The following PCP4 variants were observed in gnomAD, a reference collection of about 807,000 sequenced individuals.
PCP4 encodes the protein calmodulin regulator protein PCP4.
A neutral mutation model predicts 10.0 loss-of-function variants in PCP4; 8 were observed. That is an observed-to-expected ratio of 0.80 (90% CI 0.47 to 1.45). The LOEUF (loss-of-function observed/expected upper bound fraction) is 1.45, where lower values mean the gene tolerates loss of function less well. Among genes scored for constraint, PCP4 ranks in the 40% most tolerant of loss-of-function variants. The pLI is 0.00. For synonymous variants in PCP4, 21 were observed against 23.0 expected, an observed-to-expected ratio of 0.91 and a Z score of 0.24; for missense variants, 54 against 74.4, an observed-to-expected ratio of 0.73 and a Z score of 1.01.
chr21:39,904,932 G>A (rs990086864), intron 2 of PCP4, among the ~76,000 whole-genome samples: 4 of 152,138 alleles, frequency 2.6e-5, no homozygotes, highest in East Asian at 1.9e-4. Context: ...CAGCTGCAAC[G>A]TGTGTCAGAA....
At chr21:39,868,098 A>G (rs2299742) in intron 1 of PCP4, among the ~76,000 whole-genome samples, 10,463 of 152,284 alleles carry the variant, frequency 0.069, 463 homozygotes, top group East Asian at 0.11. Flanking sequence ...GAAGAGCTAC[A>G]ATTTTGCAAA....
chr21:39,912,559 C>A (rs2087545465), intron 2 of PCP4, among the ~76,000 whole-genome samples: 1 of 151,916 alleles, frequency 6.6e-6, no homozygotes, highest in African/African-American at 2.4e-5. Context: ...TTAACCAGGC[C>A]CCATCTGAAT....
intron 2 of PCP4, among the ~76,000 whole-genome samples, chr21:39,927,096 C>T (rs1399488285): frequency 6.6e-6 from 1 of 152,040 alleles, no homozygotes; most frequent in Non-Finnish European, 1.5e-5. Context: ...GACATTCCCT[C>T]CTCCTAGGTG....
chr21:39,911,164 G>A (rs2087538394), intron 2 of PCP4, among the ~76,000 whole-genome samples: 1 of 152,030 alleles, frequency 6.6e-6, no homozygotes. Flanking sequence ...GCAGTGGAGG[G>A]GAAAGTAAGG....
intron 1 of PCP4, among the ~76,000 whole-genome samples, chr21:39,895,843 C>A (rs1206504559): frequency 2.0e-5 from 3 of 152,206 alleles, no homozygotes; most frequent in African/African-American, 7.2e-5. Flanking sequence ...AGACCAGACC[C>A]TGGGAATGGG....
chr21:39,928,168 C>A (rs73904628), intron 2 of PCP4, among the ~76,000 whole-genome samples: 2 of 152,152 alleles, frequency 1.3e-5, no homozygotes, highest in African/African-American at 4.8e-5. Flanking sequence ...ATACACTCTA[C>A]GGCCATACCA....
intron 1 of PCP4, among the ~76,000 whole-genome samples, chr21:39,882,172 A>G (rs982147096): frequency 1.1e-4 from 17 of 152,200 alleles, no homozygotes; most frequent in Admixed American, 6.5e-4. Context: ...AGCTCTAAAT[A>G]TGGGCTTCTC....
chr21:39,890,690 T>C lies in PCP4; in HGVS notation c.10-7786T>C, dbSNP rs573933316. Among the ~76,000 whole-genome samples, 465 of 152,294 alleles carry C rather than the reference T, an allele frequency of 3.1e-3. 1 individual carries two copies. The highest frequency in any genetic ancestry group is 4.9e-3 in the Non-Finnish European group (335 of 68,022). On this transcript the variant is annotated intron_variant, in intron 1 of 2. Coordinates refer to ENST00000328619, the MANE Select transcript of PCP4 (RefSeq NM_006198.3). ...GGACAAAATTTTAATATTTTGTTCA[T>C]CATGACTTTTTGCAGTACTTTTTAT...
intron 1 of PCP4, among the ~76,000 whole-genome samples, chr21:39,870,474 C>T (rs886274568): frequency 1.5e-4 from 23 of 152,310 alleles, no homozygotes; most frequent in African/African-American, 4.8e-4. Flanking sequence ...CCTCAGTTTA[C>T]AAGGTGCATT....
intron 2 of PCP4, among the ~76,000 whole-genome samples, chr21:39,903,882 A>AAAC (rs2087494092): frequency 1.4e-5 from 2 of 143,914 alleles, no homozygotes; most frequent in South Asian, 4.5e-4. Context: ...AAAACAAAAA[A>AAAC]AAAAAAAAAA....
chr21:39,877,403 C>T (rs1040189159), intron 1 of PCP4, among the ~76,000 whole-genome samples: 2 of 151,926 alleles, frequency 1.3e-5, no homozygotes, highest in South Asian at 2.1e-4. Context: ...CATTAAGACC[C>T]TTGTTGGGCA....
chr21:39,915,977 C>A (rs545466825), intron 2 of PCP4: 2 of 152,234 alleles, frequency 1.3e-5, no homozygotes, highest in Non-Finnish European at 2.9e-5. Flanking sequence ...GGTTAGCTTG[C>A]ACAGAGGGGT....
intron 1 of PCP4, among the ~76,000 whole-genome samples, chr21:39,880,740 A>G (rs899387460): frequency 4.6e-5 from 7 of 152,202 alleles, no homozygotes; most frequent in African/African-American, 1.7e-4. Context: ...ACATTTTTGT[A>G]TGCTGGGCTT....
chr21:39,924,571 T>C (rs1416427538), intron 2 of PCP4, among the ~76,000 whole-genome samples: 3 of 152,144 alleles, frequency 2.0e-5, no homozygotes, highest in African/African-American at 4.8e-5. Flanking sequence ...CAGGTCTCAC[T>C]CTGTTTCCCA....
chr21:39,921,660 G>A (rs2299794), intron 2 of PCP4, among the ~76,000 whole-genome samples: 133,658 of 152,190 alleles, frequency 0.88, 58,922 homozygotes, highest in Middle Eastern at 0.95. Flanking sequence ...GATGGTTAAA[G>A]AGATGGTTAA....
intron 1 of PCP4, among the ~76,000 whole-genome samples, chr21:39,876,610 T>C (rs2087347356): frequency 6.6e-6 from 1 of 152,208 alleles, no homozygotes; most frequent in African/African-American, 2.4e-5. Flanking sequence ...CAATCTCCCA[T>C]TGTGGGACTC....
intron 2 of PCP4, among the ~76,000 whole-genome samples, chr21:39,903,497 G>A (rs1223951162): frequency 6.6e-6 from 1 of 152,166 alleles, no homozygotes; most frequent in Non-Finnish European, 1.5e-5. Flanking sequence ...TTGAATACCT[G>A]TGCCCCTTCC....
intron 2 of PCP4, among the ~76,000 whole-genome samples, chr21:39,905,090 C>T (rs2087500095): frequency 1.3e-5 from 2 of 152,176 alleles, no homozygotes; most frequent in South Asian, 4.2e-4. Flanking sequence ...CCTGAGCTGC[C>T]TAAAGGTCAG....
In PCP4 at chr21:39,914,390, A is replaced by G. The variant is rs1012178083; in HGVS notation, c.62-14594A>G. Among the ~76,000 whole-genome samples the G allele has an allele frequency of 3.9e-5, 6 of 152,190 alleles. 1 individual carries two copies. The South Asian group carries it at 6.2e-4, about 16-fold the overall frequency. ...GGAGTTCGAGATCAGCCTGGCCAACATGGTGGAACACCATCTCTACTAAAA... is the reference window on the plus strand; with the variant it reads ...GGAGTTCGAGATCAGCCTGGCCAACGTGGTGGAACACCATCTCTACTAAAA... On this transcript the variant is annotated intron_variant, in intron 2 of 2. Coordinates refer to ENST00000328619, the MANE Select transcript of PCP4 (RefSeq NM_006198.3).
Sources: allele counts gnomAD v4.1 joint callset (sites outside exome capture counted in the v4.1 genomes callset), GRCh38; gene constraint gnomAD v4.1.1; transcripts MANE v1.5; gene names NCBI Gene and HGNC (gene_info 2026-07-23, HGNC 2026-07-21).